The following AGAP1 variants were observed in gnomAD, a reference collection of about 807,000 sequenced individuals.
AGAP1 encodes the protein ArfGAP with GTPase domain, ankyrin repeat and PH domain 1.
A neutral mutation model predicts 105.3 loss-of-function variants in AGAP1; 29 were observed. The observed-to-expected ratio is 0.28, with a 90% confidence interval of 0.21 to 0.38. AGAP1 has a LOEUF of 0.38. AGAP1 is among the 10% of genes least tolerant of loss of function. The pLI is 1.00. For missense variants in AGAP1, 998 were observed against 1,165.1 expected (o/e 0.86, Z 2.09); for synonymous variants, 509 against 485.9 (o/e 1.05, Z -0.63).
At chr2:235,909,618 CACACAG>C (rs2051478840) in intron 11 of AGAP1, among the ~76,000 whole-genome samples, 1 of 152,226 alleles carries the variant, frequency 6.6e-6, no homozygotes, top group African/African-American at 2.4e-5. Context: ...CATAAACACA[CACACAG>C]AGTCAGGCTC....
chr2:235,813,621 A>G (rs938693701), intron 9 of AGAP1, among the ~76,000 whole-genome samples: 6 of 152,246 alleles, frequency 3.9e-5, no homozygotes, highest in South Asian at 2.1e-4. Flanking sequence ...ATCCCACAGC[A>G]TGGTCTAGGG....
chr2:235,601,743 G>C lies in AGAP1; in HGVS notation c.163+106894G>C, dbSNP rs1477094297. Among the ~76,000 whole-genome samples, 1 of 152,154 alleles carries C rather than the reference G, an allele frequency of 6.6e-6. No homozygotes were observed. Among genetic ancestry groups the C allele is most frequent in the African/African-American group, 2.4e-5 (1 of 41,426 alleles). ...GTGGTGGCTCACACTTGTAATCTCA[G>C]TGCTGAGGCGGGAGGATCACTGGAG... On this transcript the variant is annotated intron_variant, in intron 1 of 17. Transcript: ENST00000304032. The surrounding 1 kb of genome is among the most constrained non-coding windows in gnomAD (Gnocchi z 4.4).
At chr2:235,670,516 C>T (rs916437232) in intron 1 of AGAP1, 96 of 492,900 alleles carry the variant, frequency 1.9e-4, no homozygotes, top group African/African-American at 1.8e-3. Context: ...CCGGCAGCCC[C>T]GACGTGGAGG....
rs1961361775 is a variant in AGAP1, at chr2:235,845,490, G to C, written c.1051-37855G>C. 6.6e-6 allele frequency among the ~76,000 whole-genome samples: 1 copy of C among 152,062 alleles called. No individual in the cohort carries two copies. The highest frequency in any genetic ancestry group is 6.6e-5 in the Admixed American group (1 of 15,262). On this transcript the variant is annotated intron_variant, in intron 9 of 17. Transcript: ENST00000304032. The surrounding 1 kb of genome is among the most constrained non-coding windows in gnomAD (Gnocchi z 4.8). ...CAGCTGGGCGAACCCTGGGCTTCCTGAGGACACCCCATTCTTAGCTGTGGG... is the reference window on the plus strand; with the variant it reads ...CAGCTGGGCGAACCCTGGGCTTCCTCAGGACACCCCATTCTTAGCTGTGGG...
At position 235,599,428 on chromosome 2, in the gene AGAP1, A is replaced by G. The variant is rs1945654116; in HGVS notation, c.163+104579A>G. On this transcript the variant is annotated intron_variant, in intron 1 of 17. Transcript: ENST00000304032. The surrounding 1 kb of genome is among the most constrained non-coding windows in gnomAD (Gnocchi z 5.3). ...GTGAGCTCTGGGCGACCCAGGAGGA[A>G]GTATTTGCATGAATTAGCCACACGC... Among the ~76,000 whole-genome samples the G allele has an allele frequency of 6.6e-6, 1 of 152,132 alleles. No individual in the cohort carries two copies. Among genetic ancestry groups the G allele is most frequent in the Non-Finnish European group, 1.5e-5 (1 of 68,024 alleles).
At chr2:235,917,967 G>A (rs575294787) in intron 11 of AGAP1, among the ~76,000 whole-genome samples, 3 of 152,348 alleles carry the variant, frequency 2.0e-5, no homozygotes, top group African/African-American at 7.2e-5. Flanking sequence ...TAGACCCGTT[G>A]TTGTCTCATG....
intron 15 of AGAP1, among the ~76,000 whole-genome samples, chr2:236,048,771 T>C (rs754285558): frequency 1.3e-5 from 2 of 152,222 alleles, no homozygotes; most frequent in Non-Finnish European, 2.9e-5. Flanking sequence ...CTGTGACATA[T>C]GGGAAAGTGC....
rs1186598554 is a variant in AGAP1 at position 235,852,777 on chromosome 2, C to T, written c.1051-30568C>T. On this transcript the variant is annotated intron_variant, in intron 9 of 17. Transcript: ENST00000304032. ...CGTCAGTCCTCCCCCTGGCCAGGGC[C>T]GAGGGGTGGTCAGACCAGCCCGCAT... 2.6e-5 allele frequency: 38 copies of T among 1,486,488 alleles called. No individual in the cohort carries two copies. The Admixed American group carries it at 4.6e-4, about 18-fold the overall frequency. 92.1% of individuals were successfully genotyped at this position (1,486,488 alleles called of 1,614,324 possible).
At position 235,799,105 on chromosome 2, in the gene AGAP1, T is replaced by C. The variant is rs973315893; in HGVS notation, c.802-262T>C. On this transcript the variant is annotated intron_variant, in intron 7 of 17. Coordinates refer to ENST00000304032, the MANE Select transcript of AGAP1 (RefSeq NM_001037131.3). The surrounding 1 kb of genome is among the most constrained non-coding windows in gnomAD (Gnocchi z 5.0). ...TCAAATTTGAACTCTCAGAAATCTT[T>C]TAAGTTAAATGAAAGAGACTTCTTT... 6.6e-6 allele frequency among the ~76,000 whole-genome samples: 1 copy of C among 152,140 alleles called. No homozygotes were observed. Among genetic ancestry groups the C allele is most frequent in the African/African-American group, 2.4e-5 (1 of 41,420 alleles).
Position 235,792,280 on chromosome 2 carries a change from T to TC in AGAP1, c.674-5475dup, listed in dbSNP as rs1957024957. On this transcript the variant is annotated intron_variant, in intron 6 of 17. Coordinates refer to ENST00000304032, the MANE Select transcript of AGAP1 (RefSeq NM_001037131.3). The surrounding 1 kb of genome is among the most constrained non-coding windows in gnomAD (Gnocchi z 5.3). ...TTCCTTAGTTCTCTGCCCCCACTTT[T>TC]CCCCACCCTTCACGTGTCATCTGGT... is the stretch of plus-strand genomic sequence containing the variant. Among the ~76,000 whole-genome samples the TC allele has an allele frequency of 1.3e-5, 2 of 152,150 alleles. No individual in the cohort carries two copies. The highest frequency in any genetic ancestry group is 4.1e-4 in the South Asian group (2 of 4,828).
chr2:235,947,379 C>A (rs1367843805), intron 12 of AGAP1, among the ~76,000 whole-genome samples: 1 of 152,094 alleles, frequency 6.6e-6, no homozygotes, highest in East Asian at 1.9e-4. Context: ...CCAAATCTGC[C>A]CAGGTTGCTG....
intron 10 of AGAP1, among the ~76,000 whole-genome samples, chr2:235,892,952 C>T (rs1168185437): frequency 1.3e-5 from 2 of 152,228 alleles, no homozygotes; most frequent in Non-Finnish European, 2.9e-5. Flanking sequence ...CTGAGAAGAG[C>T]GTAGTCAGAC....
In AGAP1 at chr2:235,633,458, G is replaced by T. The variant is rs927550831; in HGVS notation, c.164-75721G>T. Among the ~76,000 whole-genome samples, 1 of 152,158 alleles carries T rather than the reference G, an allele frequency of 6.6e-6. No homozygotes were observed. The highest frequency in any genetic ancestry group is 1.5e-5 in the Non-Finnish European group (1 of 68,028). On this transcript the variant is annotated intron_variant, in intron 1 of 17. Transcript: ENST00000304032. The surrounding 1 kb of genome is among the most constrained non-coding windows in gnomAD (Gnocchi z 4.8). ...AAAATACAAAAATTAGCCAGGCATG[G>T]TGGCGGGCTCCTGTAATTCCAGCTA... is the stretch of plus-strand genomic sequence containing the variant.
At chr2:235,878,270 A>G (rs752251550) in intron 9 of AGAP1, among the ~76,000 whole-genome samples, 1 of 152,210 alleles carries the variant, frequency 6.6e-6, no homozygotes, top group Non-Finnish European at 1.5e-5. Context: ...CCAGCGTTCA[A>G]TGCAAAAATG....
At chr2:235,629,645 G>A (rs1028090078) in intron 1 of AGAP1, among the ~76,000 whole-genome samples, 1 of 151,820 alleles carries the variant, frequency 6.6e-6, no homozygotes, top group Non-Finnish European at 1.5e-5. Flanking sequence ...AGGGCAGGGG[G>A]ATTGCTTGAG....
chr2:236,008,671 C>T (rs1012444877), intron 13 of AGAP1, among the ~76,000 whole-genome samples: 7 of 152,160 alleles, frequency 4.6e-5, no homozygotes, highest in Admixed American at 2.0e-4. Context: ...GGTCTTGCTT[C>T]GTTTTTATTT....
intron 1 of AGAP1, among the ~76,000 whole-genome samples, chr2:235,619,231 A>G (rs149805911): frequency 6.6e-6 from 1 of 152,362 alleles, no homozygotes; most frequent in African/African-American, 2.4e-5. Flanking sequence ...GAACTCACGC[A>G]GTAAGGACAG....
At chr2:235,571,287 A>G (rs1208180668) in intron 1 of AGAP1, among the ~76,000 whole-genome samples, 3 of 152,226 alleles carry the variant, frequency 2.0e-5, no homozygotes, top group Non-Finnish European at 4.4e-5. Flanking sequence ...GATTCACACC[A>G]TATCAGTGTC....
chr2:235,589,990 C>T (rs1285195120), intron 1 of AGAP1, among the ~76,000 whole-genome samples: 1 of 152,034 alleles, frequency 6.6e-6, no homozygotes, highest in Non-Finnish European at 1.5e-5. Flanking sequence ...AAGCGATTCT[C>T]CTGCCTCAGC....
Sources: gnomAD v4.1 joint callset for allele counts (sites outside exome capture counted in the v4.1 genomes callset) on GRCh38, gnomAD v4.1.1 for gene constraint, Gnocchi (gnomAD v3.1) non-coding constraint, MANE v1.5 for transcripts, NCBI Gene and HGNC (gene_info 2026-07-23, HGNC 2026-07-21) for gene names.